The following CASP9 variants were observed in gnomAD, a reference collection of about 807,000 sequenced individuals.
CASP9 encodes caspase 9.
CASP9 carries 29 observed loss-of-function variants against 43.5 expected under a neutral mutation model. That is an observed-to-expected ratio of 0.67 (90% CI 0.50 to 0.91). The LOEUF (loss-of-function observed/expected upper bound fraction) is 0.91. Among genes scored for constraint, CASP9 ranks in the 40% least tolerant of loss-of-function variants. The probability of loss-of-function intolerance (pLI) is 0.00; values close to 1 mark genes in which losing one functional copy is unlikely to be tolerated. For synonymous variants in CASP9, 206 were observed against 211.9 expected (o/e 0.97, Z 0.24); for missense variants, 575 against 537.4 (o/e 1.07, Z -0.69).
intron 2 of CASP9, among the ~76,000 whole-genome samples, chr1:15,508,112 C>T (rs1422529449): frequency 6.6e-6 from 1 of 152,194 alleles, no homozygotes; most frequent in African/African-American, 2.4e-5. Flanking sequence ...CAAGTCCACC[C>T]TTAGGTATAT....
chr1:15,510,315 C>T (rs945937729), intron 2 of CASP9, among the ~76,000 whole-genome samples: 4 of 152,156 alleles, frequency 2.6e-5, no homozygotes, highest in Non-Finnish European at 4.4e-5. Context: ...AATAACAGTG[C>T]CATTCCTTGC....
intron 6 of CASP9, among the ~76,000 whole-genome samples, chr1:15,500,335 A>G (rs1247313302): frequency 6.6e-6 from 1 of 152,172 alleles, no homozygotes. Flanking sequence ...CAACGCAGGC[A>G]GGTTTGCATG....
rs1457431139 is a variant in CASP9 at position 15,523,899 on chromosome 1, AG to A, written c.132+169del. 8.8e-4 allele frequency among the ~76,000 whole-genome samples: 132 copies of A among 150,046 alleles called. 1 individual carries two copies. In the East Asian group the frequency reaches 0.022, roughly 25 times the overall value. ...AAGCACTAACAGTGTACGCTGACTG[AG>A]TATGGCATGGAATCGCTTTAGCGAA... is the stretch of plus-strand genomic sequence containing the variant. On this transcript the variant is annotated intron_variant, in intron 1 of 8. Transcript: ENST00000333868.
intron 2 of CASP9, 102 bp downstream of exon 2, chr1:15,518,008 C>A: frequency 7.4e-7 from 1 of 1,357,086 alleles, no homozygotes. Flanking sequence ...AAAGACAATG[C>A]TAAAATTAAA....
intron 6 of CASP9, among the ~76,000 whole-genome samples, chr1:15,501,993 TCCCA>T (rs1219887817): frequency 1.3e-5 from 2 of 152,146 alleles, no homozygotes; most frequent in Non-Finnish European, 2.9e-5. Context: ...CAAGAGATCC[TCCCA>T]CCTTGGCCTC....
intron 1 of CASP9, among the ~76,000 whole-genome samples, chr1:15,520,813 C>T (rs1442653693): frequency 1.3e-5 from 2 of 151,052 alleles, no homozygotes; most frequent in African/African-American, 4.9e-5. Context: ...ATTAGCTGGG[C>T]GTGGTAGTGC....
At chr1:15,507,983 G>GC in intron 2 of CASP9, 76 bp from the exon 3 acceptor site, 1 of 1,484,522 alleles carries the variant, frequency 6.7e-7, no homozygotes, top group Non-Finnish European at 9.4e-7. Flanking sequence ...TGTGAGGACA[G>GC]CCCCCCAAGA....
chr1:15,507,575 G>A (rs535289077), intron 3 of CASP9, among the ~76,000 whole-genome samples: 2 of 152,250 alleles, frequency 1.3e-5, no homozygotes, highest in Non-Finnish European at 2.9e-5. Flanking sequence ...GAGCATGGGA[G>A]CCACACAATA....
chr1:15,494,668 C>A (rs1262589029), intron 7 of CASP9, among the ~76,000 whole-genome samples: 5 of 151,544 alleles, frequency 3.3e-5, no homozygotes, highest in Admixed American at 3.3e-4. Context: ...TCGAGACCAT[C>A]GTGGCTAACA....
At chr1:15,494,989 C>T (rs751661202) in intron 7 of CASP9, among the ~76,000 whole-genome samples, 13 of 151,922 alleles carry the variant, frequency 8.6e-5, no homozygotes, top group South Asian at 6.2e-4. Flanking sequence ...CCCTGAGGCA[C>T]GATTCCTATT....
In CASP9 at chr1:15,495,309, G is replaced by C; in HGVS notation, c.1012C>G (p.Pro338Ala). 1 of 1,611,626 alleles carries C rather than the reference G, an allele frequency of 6.2e-7. No homozygotes were observed. The highest frequency in any genetic ancestry group is 8.5e-7 in the Non-Finnish European group (1 of 1,179,388). ...QLDAISSLPT[P>A]SDIFVSYSTF... Reference sequence around the variant, plus strand: ...GAGTAGGACACAAAGATGTCACTGGGTGTGGGCAAACTAGATATGGCGTCC... The same window carrying C: ...GAGTAGGACACAAAGATGTCACTGGCTGTGGGCAAACTAGATATGGCGTCC... The change falls in exon 7 of 9, where the codon CCC (proline) becomes GCC (alanine). Residue 338 changes from proline to alanine, a missense_variant. By Grantham distance (27) the Pro-to-Ala change is conservative. Transcript: ENST00000333868.
At chr1:15,524,260 G>A (rs1047904453), upstream of CASP9, 5 of 1,467,136 alleles carry the variant, frequency 3.4e-6, no homozygotes, top group African/African-American at 3.1e-5. Context: ...TCGGCCGCCC[G>A]CCCCAGTCCC....
At chr1:15,512,249 A>G (rs954255419) in intron 2 of CASP9, among the ~76,000 whole-genome samples, 2 of 152,206 alleles carry the variant, frequency 1.3e-5, no homozygotes, top group African/African-American at 4.8e-5. Context: ...GGTCAACTTG[A>G]CTAGATCACA....
chr1:15,520,274 G>C (rs1203122787), intron 1 of CASP9, among the ~76,000 whole-genome samples: 1 of 152,170 alleles, frequency 6.6e-6, no homozygotes, highest in Admixed American at 6.5e-5. Flanking sequence ...TACAACTGAG[G>C]AACTGAATTT....
Position 15,491,461 on chromosome 1 carries a change from T to G in CASP9, c.*1482A>C. 29 of 1,100,890 alleles carry G rather than the reference T, an allele frequency of 2.6e-5. No individual in the cohort carries two copies. Among genetic ancestry groups the G allele is most frequent in the Non-Finnish European group, 3.3e-5 (25 of 759,414 alleles). 68.2% of individuals were successfully genotyped at this position (1,100,890 alleles called of 1,614,324 possible). On this transcript the variant is annotated 3_prime_UTR_variant, in exon 9 of 9. Coordinates refer to ENST00000333868, the MANE Select transcript of CASP9 (RefSeq NM_001229.5). ...AAATCCATCCTAACATCCAGGGCCC[T>G]AAGAACCAGAAATAGGTCAGGCGCA...
chr1:15,493,546 C>T (rs4646100), intron 8 of CASP9: 437,331 of 1,399,914 alleles, frequency 0.31, 70,896 homozygotes, highest in East Asian at 0.57. Context: ...ATGATGCCCA[C>T]AGGATATAGG....
chr1:15,497,031 C>G (rs150613712), intron 6 of CASP9, among the ~76,000 whole-genome samples: 1 of 151,740 alleles, frequency 6.6e-6, no homozygotes, highest in Admixed American at 6.6e-5. Context: ...GAAAAAGAGC[C>G]GGGCACAGTG....
chr1:15,497,387 G>C (rs530257050), intron 6 of CASP9, among the ~76,000 whole-genome samples: 1 of 151,752 alleles, frequency 6.6e-6, no homozygotes, highest in South Asian at 2.1e-4. Flanking sequence ...GCTCACGCCT[G>C]TAATCCCAGC....
chr1:15,524,859 C>T (rs1479010645), upstream of CASP9: 1 of 866,742 alleles, frequency 1.2e-6, no homozygotes, highest in Non-Finnish European at 1.4e-6. Flanking sequence ...CACCTCAGCG[C>T]CTCGCGCCGA....
Sources: allele counts gnomAD v4.1 joint callset (sites outside exome capture counted in the v4.1 genomes callset), GRCh38; gene constraint gnomAD v4.1.1; transcripts MANE v1.5; gene names NCBI Gene and HGNC (gene_info 2026-07-23, HGNC 2026-07-21).